SH3RF2: variants seen among roughly 807,000 people sequenced by gnomAD.
The protein encoded by SH3RF2 is SH3 domain containing ring finger 2, also known as E3 ubiquitin-protein ligase SH3RF2.
SH3RF2 carries 43 observed loss-of-function variants against 59.0 expected under a neutral mutation model. That is an observed-to-expected ratio of 0.73 (90% CI 0.57 to 0.94). The LOEUF (loss-of-function observed/expected upper bound fraction) is 0.94, where lower values mean the gene tolerates loss of function less well. SH3RF2 is among the 40% of genes least tolerant of loss of function. The probability of loss-of-function intolerance (pLI) is 0.00; values close to 1 mark genes in which losing one functional copy is unlikely to be tolerated. For missense variants in SH3RF2, 930 were observed against 940.1 expected (o/e 0.99, Z 0.14); for synonymous variants, 391 against 391.5 (o/e 1.00, Z 0.01).
intron 2 of SH3RF2, among the ~76,000 whole-genome samples, chr5:145,939,132 T>C (rs1757713637): frequency 6.6e-6 from 1 of 152,212 alleles, no homozygotes; most frequent in South Asian, 2.1e-4. Flanking sequence ...TGGGATAATG[T>C]GTAAGGGCAC....
chr5:145,962,578 T>C (rs1026472280), intron 2 of SH3RF2, among the ~76,000 whole-genome samples: 1 of 152,190 alleles, frequency 6.6e-6, no homozygotes, highest in Non-Finnish European at 1.5e-5. Flanking sequence ...TCTGTCCCCC[T>C]CTTCAGTTCC....
intron 4 of SH3RF2, among the ~76,000 whole-genome samples, chr5:146,004,797 A>G (rs1284359451): frequency 6.6e-6 from 1 of 152,168 alleles, no homozygotes. Context: ...TTAAAAGTTT[A>G]ATAGGTATAG....
intron 2 of SH3RF2, among the ~76,000 whole-genome samples, chr5:145,955,675 T>C (rs955339283): frequency 3.3e-5 from 5 of 152,206 alleles, no homozygotes; most frequent in African/African-American, 4.8e-5. Flanking sequence ...TCCCTGTCTT[T>C]GTCCTGTCGG....
chr5:145,996,920 G>A (rs1760179998), intron 2 of SH3RF2, among the ~76,000 whole-genome samples: 1 of 152,118 alleles, frequency 6.6e-6, no homozygotes, highest in African/African-American at 2.4e-5. Context: ...ATCTCCAAGG[G>A]CTGCCTAGAT....
chr5:145,978,509 A>G (rs1162516880), intron 2 of SH3RF2, among the ~76,000 whole-genome samples: 1 of 152,202 alleles, frequency 6.6e-6, no homozygotes. Context: ...GAAAAATGAA[A>G]TACTTAAGTT....
At position 146,047,752 on chromosome 5, in the gene SH3RF2, T is replaced by G. The variant is rs1762357718; in HGVS notation, c.1060-20T>G. On this transcript the variant is annotated intron_variant, in intron 5 of 9. Transcript: ENST00000359120. ...GTGGCATTCATTGGTTCTGCTTGGC[T>G]GTCTTTTCTGTCTGTGCAGGTCAGC... 8 of 1,612,872 alleles carry G rather than the reference T, an allele frequency of 5.0e-6. No homozygotes were observed. Among genetic ancestry groups the G allele is most frequent in the Non-Finnish European group, 6.8e-6 (8 of 1,179,190 alleles).
intron 5 of SH3RF2, among the ~76,000 whole-genome samples, chr5:146,029,561 G>T (rs1381042594): frequency 6.6e-6 from 1 of 152,148 alleles, no homozygotes; most frequent in African/African-American, 2.4e-5. Context: ...GCCATGCTGG[G>T]CTCGGGGTAC....
intron 2 of SH3RF2, among the ~76,000 whole-genome samples, chr5:145,958,045 G>A (rs1041234719): frequency 2.6e-5 from 4 of 151,880 alleles, no homozygotes; most frequent in South Asian, 2.1e-4. Context: ...TCCAGGAGGC[G>A]GAGGTTGCAG....
chr5:145,959,639 G>A (rs1167099213), intron 2 of SH3RF2, among the ~76,000 whole-genome samples: 2 of 150,478 alleles, frequency 1.3e-5, no homozygotes, highest in Admixed American at 1.3e-4. Flanking sequence ...GTGTGTGTGT[G>A]TGTGTGTGTA....
chr5:145,982,280 T>C (rs1189821469), intron 2 of SH3RF2, among the ~76,000 whole-genome samples: 1 of 152,214 alleles, frequency 6.6e-6, no homozygotes, highest in Non-Finnish European at 1.5e-5. Context: ...ACATTCATCC[T>C]CTCATCAAGA....
chr5:145,990,926 T>A (rs182094962), intron 2 of SH3RF2, among the ~76,000 whole-genome samples: 18 of 152,296 alleles, frequency 1.2e-4, no homozygotes, highest in Admixed American at 5.9e-4. Flanking sequence ...ACTTGGAATC[T>A]TTTTCCCTTG....
At chr5:145,956,156 C>T (rs1561708456) in intron 2 of SH3RF2, among the ~76,000 whole-genome samples, 1 of 152,132 alleles carries the variant, frequency 6.6e-6, no homozygotes, top group East Asian at 1.9e-4. Context: ...TGCTGGTCCT[C>T]GAACCACGCC....
chr5:145,988,019 T>A (rs1759782718), intron 2 of SH3RF2, among the ~76,000 whole-genome samples: 1 of 152,200 alleles, frequency 6.6e-6, no homozygotes, highest in Admixed American at 6.5e-5. Context: ...ATGGTTATAG[T>A]TTATTCCAGT....
chr5:146,047,787 C>T lies in SH3RF2; in HGVS notation c.1075C>T (p.Pro359Ser), dbSNP rs754779134. Residue 359 changes from proline (P) to serine (S), a missense_variant, in exon 6 of 10, where the codon CCC (proline) becomes TCC (serine). Transcript: ENST00000359120. ...SCVGQVSTYHPAPVSPGHSTA... is the reference protein window; with the variant it reads ...SCVGQVSTYHSAPVSPGHSTA... ...GTCTGTGCAGGTCAGCACTTATCAC[C>T]CCGCACCTGTCTCTCCAGGACATTC... is the stretch of plus-strand genomic sequence containing the variant. 1.2e-6 allele frequency: 2 copies of T among 1,614,138 alleles called. No individual in the cohort carries two copies. Among genetic ancestry groups the T allele is most frequent in the East Asian group, 2.2e-5 (1 of 44,870 alleles).
At chr5:146,037,277 C>T (rs545965611) in intron 5 of SH3RF2, among the ~76,000 whole-genome samples, 31 of 152,284 alleles carry the variant, frequency 2.0e-4, no homozygotes, top group Admixed American at 1.7e-3. Context: ...TAAGTCTGAG[C>T]CTCCCACAGC....
At chr5:145,954,952 A>C (rs906638377) in intron 2 of SH3RF2, among the ~76,000 whole-genome samples, 3 of 152,042 alleles carry the variant, frequency 2.0e-5, no homozygotes, top group African/African-American at 4.8e-5. Flanking sequence ...GGTGGGGGGA[A>C]GTGCCACACA....
intron 2 of SH3RF2, among the ~76,000 whole-genome samples, chr5:145,986,002 C>CAAAT (rs5871949): frequency 0.23 from 33,726 of 143,974 alleles, 4,494 homozygotes; most frequent in Admixed American, 0.3. Context: ...AGACTTGTCT[C>CAAAT]AAATAAATAA....
intron 5 of SH3RF2, among the ~76,000 whole-genome samples, chr5:146,018,105 T>G (rs1761174272): frequency 1.3e-5 from 2 of 152,338 alleles, no homozygotes; most frequent in South Asian, 4.1e-4. Flanking sequence ...TTTAATTTTT[T>G]CATTTCAGTA....
intron 6 of SH3RF2, 92 bp from the exon 7 acceptor site, chr5:146,048,983 A>G (rs1334875506): frequency 1.4e-6 from 2 of 1,458,556 alleles, no homozygotes; most frequent in Admixed American, 1.7e-5. Flanking sequence ...ATTGCTAACC[A>G]CTGGGCAGTC....
Sources: gnomAD v4.1 joint callset for allele counts (sites outside exome capture counted in the v4.1 genomes callset) on GRCh38, gnomAD v4.1.1 for gene constraint, MANE v1.5 for transcripts, NCBI Gene and HGNC (gene_info 2026-07-23, HGNC 2026-07-21) for gene names.